Variants in NDUFA10 observed in about 807,000 individuals in gnomAD.
The protein encoded by NDUFA10 is NADH:ubiquinone oxidoreductase subunit A10, also known as NADH dehydrogenase [ubiquinone] 1 alpha subcomplex subunit 10, mitochondrial.
In NDUFA10, 40 loss-of-function variants were observed where a neutral mutation model predicts 47.8. The observed-to-expected ratio is 0.84, with a 90% CI of 0.65 to 1.09. NDUFA10 has a LOEUF of 1.09. Among genes scored for constraint, NDUFA10 ranks in the 50% least tolerant of loss-of-function variants. The pLI is 0.00. For synonymous variants in NDUFA10, 183 were observed against 172.2 expected (o/e 1.06, Z -0.49); for missense variants, 413 against 451.1 (o/e 0.92, Z 0.76).
intron 4 of NDUFA10, among the ~76,000 whole-genome samples, chr2:239,905,590 TA>T (rs1693636970): frequency 6.6e-6 from 1 of 152,112 alleles, no homozygotes; most frequent in Non-Finnish European, 1.5e-5. Flanking sequence ...TCGGGGGGTT[TA>T]CGCAGCAAAG....
chr2:239,926,625 T>A (rs918090106), intron 4 of NDUFA10, among the ~76,000 whole-genome samples: 1 of 146,034 alleles, frequency 6.8e-6, no homozygotes, highest in South Asian at 2.1e-4. Context: ...TAAAAAAAAA[T>A]AGATACCTGT....
chr2:239,939,452 A>G (rs1201317631), intron 4 of NDUFA10, among the ~76,000 whole-genome samples: 1 of 152,176 alleles, frequency 6.6e-6, no homozygotes, highest in Non-Finnish European at 1.5e-5. Flanking sequence ...CTGGGGGGCC[A>G]CCCGCGTACT....
intron 4 of NDUFA10, among the ~76,000 whole-genome samples, chr2:239,937,088 T>C (rs1018035523): frequency 2.6e-5 from 4 of 152,214 alleles, no homozygotes; most frequent in Admixed American, 2.0e-4. Flanking sequence ...AGGGGAGGGC[T>C]GGGGGCAGTC....
chr2:239,914,828 TAC>T (rs934729402), intron 4 of NDUFA10, among the ~76,000 whole-genome samples: 27 of 117,966 alleles, frequency 2.3e-4, no homozygotes, highest in Admixed American at 3.3e-4. Context: ...CACACATACA[TAC>T]ACACACACAA....
At chr2:239,965,400 TTAAAA>T (rs1326349239) in intron 9 of NDUFA10, among the ~76,000 whole-genome samples, 2 of 152,186 alleles carry the variant, frequency 1.3e-5, no homozygotes, top group Non-Finnish European at 2.9e-5. Flanking sequence ...ATCTGCTAAT[TTAAAA>T]TAAGCCTTCC....
chr2:239,976,394 CT>C, intron 9 of NDUFA10: 1 of 152,880 alleles, frequency 6.5e-6, no homozygotes, highest in Non-Finnish European at 1.5e-5. Context: ...AGCCTCCGGC[CT>C]TCACAGCCAT....
At chr2:239,995,856 G>A (rs1249970424) in intron 8 of NDUFA10, among the ~76,000 whole-genome samples, 5 of 152,190 alleles carry the variant, frequency 3.3e-5, no homozygotes, top group Admixed American at 6.5e-5. Context: ...ATTACATAAC[G>A]ATAAAGCGGC....
At chr2:239,955,909 G>C (rs539104108), downstream of NDUFA10, among the ~76,000 whole-genome samples, 1 of 152,330 alleles carries the variant, frequency 6.6e-6, no homozygotes, top group East Asian at 1.9e-4. Flanking sequence ...GCAGAGCCCG[G>C]AGTCAGAGAC....
rs528765722 is a variant in NDUFA10 at position 240,016,357 on chromosome 2, C to T, written c.548-1497G>A. ...CTGCTGAGGTGAAACCTCCCTTCAC[C>T]GAGTCTGCTCTCACCCTGCTTCCCA... On this transcript the variant is annotated intron_variant, in intron 4 of 9. Transcript: ENST00000252711. The surrounding 1 kb of genome is among the most constrained non-coding windows in gnomAD (Gnocchi z 4.4). Among the ~76,000 whole-genome samples the T allele has an allele frequency of 2.0e-4, 30 of 152,294 alleles. No individual in the cohort carries two copies. The highest frequency in any genetic ancestry group is 7.7e-4 in the East Asian group (4 of 5,174).
chr2:239,898,642 A>G (rs1693447052), intron 4 of NDUFA10, among the ~76,000 whole-genome samples: 1 of 152,232 alleles, frequency 6.6e-6, no homozygotes, highest in East Asian at 1.9e-4. Flanking sequence ...ACTGGTGAGC[A>G]TGTGGACATG....
intron 5 of NDUFA10, 119 bp downstream of exon 5, chr2:240,014,620 G>C: frequency 3.4e-6 from 5 of 1,451,656 alleles, no homozygotes; most frequent in Non-Finnish European, 4.8e-6. Context: ...AACAGGGTGT[G>C]TGTCACCCTC....
intron 9 of NDUFA10, among the ~76,000 whole-genome samples, chr2:239,965,734 C>G (rs1308637892): frequency 1.3e-5 from 2 of 152,236 alleles, no homozygotes; most frequent in Non-Finnish European, 2.9e-5. Context: ...TGTCAGAAGT[C>G]AGGGCTTCTG....
chr2:239,942,083 T>G (rs1694368961), intron 4 of NDUFA10, among the ~76,000 whole-genome samples: 1 of 152,270 alleles, frequency 6.6e-6, no homozygotes, highest in South Asian at 2.1e-4. Context: ...TGGAATCACT[T>G]TGGTCTGAAC....
At chr2:239,905,462 G>A (rs1260548213) in intron 4 of NDUFA10, among the ~76,000 whole-genome samples, 2 of 152,236 alleles carry the variant, frequency 1.3e-5, no homozygotes, top group South Asian at 2.1e-4. Context: ...CAGGGCATGC[G>A]TATGTGTGTG....
At chr2:239,932,181 T>C (rs1424103683) in intron 4 of NDUFA10, among the ~76,000 whole-genome samples, 2 of 152,178 alleles carry the variant, frequency 1.3e-5, no homozygotes, top group Admixed American at 1.3e-4. Context: ...TCATGTTTAT[T>C]GAATAGACAT....
intron 4 of NDUFA10, among the ~76,000 whole-genome samples, chr2:239,905,503 G>A (rs1016091035): frequency 3.9e-5 from 6 of 152,244 alleles, no homozygotes; most frequent in Admixed American, 2.0e-4. Flanking sequence ...CTACACGCGT[G>A]TGAGGCCAAC....
rs552294752 is a variant in NDUFA10, at chr2:239,930,979, G to A, written c.295-35665C>T. On this transcript the variant is annotated intron_variant, in intron 4 of 5. Coordinates refer to the NDUFA10 transcript ENST00000419408. ...GGGGGGCAGGGTCCAGGAGGGGTGT[G>A]GCAGGGAGGGAGGTCAGGGGGCAGT... is the stretch of plus-strand genomic sequence containing the variant. 2.6e-3 allele frequency among the ~76,000 whole-genome samples: 388 copies of A among 151,816 alleles called. 2 individuals are homozygous for A. Among genetic ancestry groups the A allele is most frequent in the African/African-American group, 8.7e-3 (360 of 41,294 alleles).
At chr2:240,009,886 T>C (rs1169032707) in intron 6 of NDUFA10, among the ~76,000 whole-genome samples, 1 of 152,218 alleles carries the variant, frequency 6.6e-6, no homozygotes, top group Non-Finnish European at 1.5e-5. Flanking sequence ...ATGGTTTAAA[T>C]ATACAAGCCC....
Position 240,011,649 on chromosome 2 carries a change from A to T in NDUFA10, c.717T>A (p.Asn239Lys), listed in dbSNP as rs764638245. 6.2e-7 allele frequency: 1 copy of T among 1,613,556 alleles called. No homozygotes were observed. Among genetic ancestry groups the T allele is most frequent in the Non-Finnish European group, 8.5e-7 (1 of 1,179,576 alleles). Reference protein sequence around the residue: ...ITSAYLQDIENAYKKTFLPEM... With the variant: ...ITSAYLQDIEKAYKKTFLPEM... ...CAGGGAGAAAGGTTTTCTTATAGGC[A>T]TTCTCAATGTCCTGTAGATAGGCAG... The change falls in exon 6 of 10, where the codon AAT (asparagine) becomes AAA (lysine). Residue 239 changes from asparagine (N) to lysine (K), a missense_variant. Coordinates refer to ENST00000252711, the MANE Select transcript of NDUFA10 (RefSeq NM_004544.4).
Sources: gnomAD v4.1 joint callset for allele counts (sites outside exome capture counted in the v4.1 genomes callset) on GRCh38, gnomAD v4.1.1 for gene constraint, Gnocchi (gnomAD v3.1) non-coding constraint, MANE v1.5 for transcripts, NCBI Gene and HGNC (gene_info 2026-07-23, HGNC 2026-07-21) for gene names.